The following CMC2 variants were observed in gnomAD, a reference collection of about 807,000 sequenced individuals.
The protein encoded by CMC2 is C-X9-C motif containing 2, also known as COX assembly mitochondrial protein 2 homolog.
CMC2 carries 5 observed loss-of-function variants against 7.5 expected under a neutral mutation model. The ratio of observed to expected loss-of-function variants is 0.66; its 90% CI spans 0.35 to 1.40. CMC2 has a LOEUF of 1.40. Ranked by LOEUF, CMC2 falls within the 40% of genes most tolerant of loss-of-function variation. CMC2 has a pLI of 0.04. For missense variants in CMC2, 115 were observed against 92.3 expected, an observed-to-expected ratio of 1.25 and a Z score of -1.01; for synonymous variants, 37 against 31.4, an observed-to-expected ratio of 1.18 and a Z score of -0.60.
rs1013753312 is a variant in CMC2 at position 80,975,834 on chromosome 16, T to C, written c.*259A>G. The C allele has an allele frequency of 6.9e-6, 2 of 288,492 alleles. No homozygotes were observed. The highest frequency in any genetic ancestry group is 4.4e-5 in the African/African-American group (2 of 45,612). The allele number at this position is 288,492 out of a possible 1,614,324, so 17.9% of individuals were successfully genotyped here. On this transcript the variant is annotated 3_prime_UTR_variant, in exon 4 of 4. Coordinates refer to ENST00000219400, the MANE Select transcript of CMC2 (RefSeq NM_020188.5). ...AATTATTTTATTGAAGGAGATAAGT[T>C]ACTCAGATATTAACTGGTTGTAGGC...
rs1367977233 is a variant in CMC2 at position 80,997,406 on chromosome 16, G to A, written c.-12C>T. 4 of 1,593,480 alleles carry A rather than the reference G, an allele frequency of 2.5e-6. No individual in the cohort carries two copies. The highest frequency in any genetic ancestry group is 2.3e-5 in the East Asian group (1 of 44,098). The stretch of plus-strand genomic sequence containing the variant: ...AAGTCAGGATGCATCTTTAGGAGAT[G>A]AGGATGGATCACAGCAGTGCAACCT... On this transcript the variant is annotated 5_prime_UTR_variant, in exon 2 of 4. Transcript: ENST00000219400.
intron 2 of CMC2, 86 bp downstream of exon 2, chr16:80,997,228 C>T (rs1182820933): frequency 3.0e-5 from 24 of 803,916 alleles, no homozygotes; most frequent in Non-Finnish European, 5.0e-5. Context: ...TTATCGTTTC[C>T]TTCTATCAAC....
intron 1 of CMC2, among the ~76,000 whole-genome samples, chr16:81,002,824 T>C (rs1968971140): frequency 2.0e-5 from 3 of 152,364 alleles, no homozygotes; most frequent in Admixed American, 2.0e-4. Flanking sequence ...TATATATTTA[T>C]AAGGCCCTTC....
rs141378837 is a variant in CMC2, at chr16:80,973,388, G to A, written c.*2705C>T. The A allele has an allele frequency of 6.0e-4, 91 of 152,196 alleles. No individual in the cohort carries two copies. The highest frequency in any genetic ancestry group is 2.0e-3 in the African/African-American group (81 of 41,504). 9.4% of individuals were successfully genotyped at this position (152,196 alleles called of 1,614,324 possible). ...AATACCCCAATTTGGGTGCACTTGAGAGAAAAACAATATTGAGGGGGCCCT... is the reference window on the plus strand; with the variant it reads ...AATACCCCAATTTGGGTGCACTTGAAAGAAAAACAATATTGAGGGGGCCCT... On this transcript the variant is annotated 3_prime_UTR_variant, in exon 4 of 4. Transcript: ENST00000219400.
chr16:80,989,059 C>G (rs1967766007), intron 2 of CMC2, among the ~76,000 whole-genome samples: 1 of 152,134 alleles, frequency 6.6e-6, no homozygotes, highest in Non-Finnish European at 1.5e-5. Flanking sequence ...GCAATTTGTC[C>G]CATTATTGAT....
chr16:80,980,765 C>G lies in CMC2; in HGVS notation c.153+1041G>C, dbSNP rs771772642. The G allele has an allele frequency of 4.8e-5, 33 of 686,518 alleles. No homozygotes were observed. In the Admixed American group the frequency reaches 5.3e-4, roughly 11 times the overall value. 42.5% of individuals were successfully genotyped at this position (686,518 alleles called of 1,614,324 possible). On this transcript the variant is annotated intron_variant, in intron 3 of 3. Transcript: ENST00000219400. ...AAAACCTTAACCAGGCATGGTGGTACGCACCTGTCGTCCTAGCTACTCAGG... is the reference window on the plus strand; with the variant it reads ...AAAACCTTAACCAGGCATGGTGGTAGGCACCTGTCGTCCTAGCTACTCAGG...
At chr16:80,992,680 G>A (rs1015204333) in intron 2 of CMC2, among the ~76,000 whole-genome samples, 2 of 137,812 alleles carry the variant, frequency 1.5e-5, no homozygotes, top group Admixed American at 7.2e-5. Context: ...TTTTCTCTCT[G>A]ATTTTTGGCC....
intron 2 of CMC2, among the ~76,000 whole-genome samples, chr16:80,985,895 T>C (rs1201785864): frequency 2.0e-5 from 1 of 50,176 alleles, no homozygotes; most frequent in African/African-American, 6.1e-5. Context: ...TTCTCCCATA[T>C]ACCTGCAAAA....
chr16:80,991,444 G>C (rs909562266), intron 2 of CMC2, among the ~76,000 whole-genome samples: 2 of 152,126 alleles, frequency 1.3e-5, no homozygotes, highest in African/African-American at 4.8e-5. Flanking sequence ...AGACCAGCCT[G>C]AGCAACATGG....
chr16:80,997,158 GA>G, intron 2 of CMC2, 155 bp downstream of exon 2: 1 of 611,160 alleles, frequency 1.6e-6, no homozygotes. Flanking sequence ...GTAAAAAAAA[GA>G]AAAAAATCGC....
chr16:80,972,862 G>A lies in CMC2; in HGVS notation c.*3231C>T, dbSNP rs753541739. 2.0e-5 allele frequency: 3 copies of A among 152,234 alleles called. No homozygotes were observed. Among genetic ancestry groups the A allele is most frequent in the Non-Finnish European group, 2.9e-5 (2 of 68,084 alleles). 9.4% of individuals were successfully genotyped at this position (152,234 alleles called of 1,614,324 possible). On this transcript the variant is annotated 3_prime_UTR_variant, in exon 4 of 4. Coordinates refer to ENST00000219400, the MANE Select transcript of CMC2 (RefSeq NM_020188.5). ...CAGATGGTCCTTCGTGATGTGAACC[G>A]TCACTAGAACCACATCCATCTTATT...
chr16:81,003,962 C>A (rs1351574031), intron 1 of CMC2, among the ~76,000 whole-genome samples: 1 of 152,204 alleles, frequency 6.6e-6, no homozygotes, highest in African/African-American at 2.4e-5. Flanking sequence ...GTGGCTCACG[C>A]CTGTAATCTC....
rs1257334487 is a variant in CMC2 at position 80,981,883 on chromosome 16, AG to A, written c.82-7del. On this transcript the variant is annotated splice_polypyrimidine_tract_variant and splice_region_variant and intron_variant, in intron 2 of 3. Transcript: ENST00000219400. ...AAAAATTTCAGAATGTTGTGCTAAA[AG>A]GAAGAAAAGGAGTAAAATATTTCAT... 2 of 1,586,038 alleles carry A rather than the reference AG, an allele frequency of 1.3e-6. No individual in the cohort carries two copies. The highest frequency in any genetic ancestry group is 2.7e-5 in the African/African-American group (2 of 74,458).
At position 80,975,241 on chromosome 16, in the gene CMC2, T is replaced by C. The variant is rs972423385; in HGVS notation, c.*852A>G. 2 of 152,256 alleles carry C rather than the reference T, an allele frequency of 1.3e-5. No individual in the cohort carries two copies. The highest frequency in any genetic ancestry group is 2.4e-5 in the African/African-American group (1 of 41,450). The allele number at this position is 152,256 out of a possible 1,614,324, so 9.4% of individuals were successfully genotyped here. A position where few individuals can be genotyped will look rare whatever the true frequency, so the allele number is the denominator to read the frequency against. ...TTAACTGGCACCTCGAGTGGACACATTCAACCAAATGGGAAAGCAAAGTCT... is the reference window on the plus strand; with the variant it reads ...TTAACTGGCACCTCGAGTGGACACACTCAACCAAATGGGAAAGCAAAGTCT... On this transcript the variant is annotated 3_prime_UTR_variant, in exon 4 of 4. Transcript: ENST00000219400.
At chr16:80,987,705 G>A (rs1967648754) in intron 2 of CMC2, among the ~76,000 whole-genome samples, 1 of 152,154 alleles carries the variant, frequency 6.6e-6, no homozygotes. Context: ...AGCAAGGTAG[G>A]CTATTTGGAG....
Position 80,981,815 on chromosome 16 carries a change from C to G in CMC2, c.144G>C (p.Leu48=). ...NDVDRELRKC[L]KNEYVENRTK... ...TTGACACTTTTCTTACCTCATTCTT[C>G]AGGCATTTTCTCAACTCCCGATCAA... The change falls in exon 3 of 4, where the codon CTG becomes CTC. Residue 48 remains leucine (L), a synonymous_variant. Transcript: ENST00000219400. The G allele has an allele frequency of 6.2e-7, 1 of 1,604,924 alleles. No homozygotes were observed. The highest frequency in any genetic ancestry group is 8.5e-7 in the Non-Finnish European group (1 of 1,172,990).
In CMC2 at chr16:80,970,769, T is replaced by A. The variant is rs1271307670; in HGVS notation, c.*5324A>T. 1 of 152,176 alleles carries A rather than the reference T, an allele frequency of 6.6e-6. No homozygotes were observed. The highest frequency in any genetic ancestry group is 1.9e-4 in the East Asian group (1 of 5,198). The allele number at this position is 152,176 out of a possible 1,614,324, so 9.4% of individuals were successfully genotyped here. ...TACAGAAGTCAATTACACTCCAATGTATCAGTAATAGGAAATTAGAATAAA... is the reference window on the plus strand; with the variant it reads ...TACAGAAGTCAATTACACTCCAATGAATCAGTAATAGGAAATTAGAATAAA... On this transcript the variant is annotated 3_prime_UTR_variant, in exon 4 of 4. Coordinates refer to ENST00000219400, the MANE Select transcript of CMC2 (RefSeq NM_020188.5).
chr16:80,968,309 A>C lies in CMC2; in HGVS notation c.*7784T>G, dbSNP rs1256803313. ...GGTCTTGAACTCCCTGGCCTCAAGCAATTCTCCCACCTCGGCCTTCGAAAG... is the reference window on the plus strand; with the variant it reads ...GGTCTTGAACTCCCTGGCCTCAAGCCATTCTCCCACCTCGGCCTTCGAAAG... On this transcript the variant is annotated 3_prime_UTR_variant, in exon 4 of 4. Coordinates refer to ENST00000219400, the MANE Select transcript of CMC2 (RefSeq NM_020188.5). 1 of 152,172 alleles carries C rather than the reference A, an allele frequency of 6.6e-6. No individual in the cohort carries two copies. Among genetic ancestry groups the C allele is most frequent in the African/African-American group, 2.4e-5 (1 of 41,408 alleles). The allele number at this position is 152,172 out of a possible 1,614,324, so 9.4% of individuals were successfully genotyped here. A position where few individuals can be genotyped will look rare whatever the true frequency, so the allele number is the denominator to read the frequency against.
chr16:80,997,024 T>A (rs1184647348), intron 2 of CMC2: 1 of 492,456 alleles, frequency 2.0e-6, no homozygotes, highest in Admixed American at 2.8e-5. Flanking sequence ...TAGTGCCCTA[T>A]AATTAGGAAA....
Sources: allele counts gnomAD v4.1 joint callset (sites outside exome capture counted in the v4.1 genomes callset), GRCh38; gene constraint gnomAD v4.1.1; transcripts MANE v1.5; gene names NCBI Gene and HGNC (gene_info 2026-07-23, HGNC 2026-07-21).